TBC1D4: variants seen among roughly 807,000 people sequenced by gnomAD.
The protein encoded by TBC1D4 is TBC (Tre-2, BUB2, CDC16) domain-containing protein.
Under a neutral mutation model 142.5 loss-of-function variants are expected in TBC1D4, and 121 were observed. That is an observed-to-expected ratio of 0.85 (90% CI 0.73 to 0.99). The LOEUF (loss-of-function observed/expected upper bound fraction) is 0.99. Among genes scored for constraint, TBC1D4 ranks in the 50% least tolerant of loss-of-function variants. The pLI is 0.00. For synonymous variants in TBC1D4, 630 were observed against 628.2 expected (o/e 1.00, Z -0.04); for missense variants, 1,475 against 1,606.6 (o/e 0.92, Z 1.40).
At chr13:75,436,913 A>G (rs1439549871) in intron 1 of TBC1D4, among the ~76,000 whole-genome samples, 1 of 152,200 alleles carries the variant, frequency 6.6e-6, no homozygotes, top group African/African-American at 2.4e-5. Flanking sequence ...TCCTGGTAAA[A>G]TGCACTGATA....
intron 1 of TBC1D4, among the ~76,000 whole-genome samples, chr13:75,388,465 A>T (rs903997877): frequency 3.3e-5 from 5 of 152,194 alleles, no homozygotes; most frequent in Non-Finnish European, 5.9e-5. Flanking sequence ...TAAGAAACTG[A>T]ATAAATTCTA....
At chr13:75,309,193 T>C (rs1038161993) in intron 14 of TBC1D4, among the ~76,000 whole-genome samples, 2 of 152,202 alleles carry the variant, frequency 1.3e-5, no homozygotes, top group Non-Finnish European at 2.9e-5. Flanking sequence ...ATACATTTTT[T>C]TGGATTTCTT....
chr13:75,310,213 G>A, intron 13 of TBC1D4, 62 bp from the exon 14 acceptor site: 1 of 1,506,270 alleles, frequency 6.6e-7, no homozygotes, highest in Non-Finnish European at 9.1e-7. Context: ...CCAAGTTTCT[G>A]TAGAATTCAC....
chr13:75,294,255 G>C (rs944226441), intron 18 of TBC1D4, among the ~76,000 whole-genome samples: 6 of 152,184 alleles, frequency 3.9e-5, no homozygotes, highest in African/African-American at 1.4e-4. Flanking sequence ...GAGCAAGGCA[G>C]TTACTCAGTA....
chr13:75,410,930 C>G (rs1479540485), intron 1 of TBC1D4, among the ~76,000 whole-genome samples: 1 of 66,038 alleles, frequency 1.5e-5, no homozygotes, highest in Non-Finnish European at 2.6e-5. Flanking sequence ...AGCGAGACTC[C>G]GTCTCAAAAA....
chr13:75,438,970 G>A (rs530162557), intron 1 of TBC1D4, among the ~76,000 whole-genome samples: 2 of 152,240 alleles, frequency 1.3e-5, no homozygotes, highest in African/African-American at 4.8e-5. Context: ...TTATTTTAGT[G>A]CCAAATATTT....
chr13:75,307,016 G>A (rs1006199890), intron 14 of TBC1D4, among the ~76,000 whole-genome samples: 8 of 152,164 alleles, frequency 5.3e-5, no homozygotes, highest in Non-Finnish European at 1.2e-4. Context: ...TGTACCCCAA[G>A]CTGGAGTGCA....
chr13:75,389,133 G>C (rs941094553), intron 1 of TBC1D4, among the ~76,000 whole-genome samples: 5 of 152,164 alleles, frequency 3.3e-5, no homozygotes, highest in African/African-American at 1.2e-4. Context: ...CAAATTTTTT[G>C]CATGTGATTG....
At chr13:75,357,743 C>T (rs1882164071) in intron 3 of TBC1D4, among the ~76,000 whole-genome samples, 1 of 152,128 alleles carries the variant, frequency 6.6e-6, no homozygotes, top group Admixed American at 6.5e-5. Flanking sequence ...TGAAAACAGC[C>T]ACATTATATG....
intron 1 of TBC1D4, among the ~76,000 whole-genome samples, chr13:75,468,008 T>C (rs1888240481): frequency 6.6e-6 from 1 of 152,196 alleles, no homozygotes; most frequent in South Asian, 2.1e-4. Context: ...TCCTCTCCAT[T>C]CATTCATTTC....
At chr13:75,420,786 A>AT (rs1402994017) in intron 1 of TBC1D4, among the ~76,000 whole-genome samples, 2 of 152,232 alleles carry the variant, frequency 1.3e-5, no homozygotes, top group Non-Finnish European at 2.9e-5. Flanking sequence ...GGACAGGAAG[A>AT]GAACAAGCAG....
chr13:75,299,446 C>A lies in TBC1D4; in HGVS notation c.3040G>T (p.Val1014Leu). The change falls in exon 17 of 21, where the codon GTG becomes TTG. Residue 1014 changes from valine (V) to leucine (L), a missense_variant. Around this residue, in one of 2 missense-constraint regions of TBC1D4, gnomAD observed 248 missense variants for 338.9 expected, o/e 0.73. Coordinates refer to ENST00000377636, the MANE Select transcript of TBC1D4 (RefSeq NM_014832.5). ...EVGYCQGISF[V>L]AGVLLLHMSE... ...ATGTGCAGAAGCAGGACTCCAGCCA[C>A]AAAGCTGATCCCCTGACAGTATCCC... The A allele has an allele frequency of 6.2e-7, 1 of 1,614,160 alleles. No individual in the cohort carries two copies. Among genetic ancestry groups the A allele is most frequent in the Non-Finnish European group, 8.5e-7 (1 of 1,180,034 alleles).
intron 1 of TBC1D4, among the ~76,000 whole-genome samples, chr13:75,480,186 A>G (rs976221319): frequency 2.6e-5 from 4 of 152,238 alleles, no homozygotes; most frequent in Non-Finnish European, 4.4e-5. Context: ...AATTAAAGCC[A>G]TATTTATAGG....
rs1874481509 is a variant in TBC1D4, at chr13:75,284,042, C to T, written c.*2750G>A. On this transcript the variant is annotated 3_prime_UTR_variant, in exon 21 of 21. Transcript: ENST00000377636. ...AGCCTCCTATAAGTAGCAATATATG[C>T]CTCTCCTACTCTCCTGAGTAGCTGA... 6.6e-6 allele frequency among the ~76,000 whole-genome samples: 1 copy of T among 152,034 alleles called. No homozygotes were observed. Among genetic ancestry groups the T allele is most frequent in the African/African-American group, 2.4e-5 (1 of 41,362 alleles).
intron 1 of TBC1D4, among the ~76,000 whole-genome samples, chr13:75,451,232 T>C (rs892736788): frequency 6.6e-6 from 1 of 152,168 alleles, no homozygotes; most frequent in Non-Finnish European, 1.5e-5. Context: ...GAATAGTACC[T>C]ACTTATTAGA....
chr13:75,302,436 A>G, intron 15 of TBC1D4, 35 bp from the exon 16 acceptor site: 1 of 1,613,514 alleles, frequency 6.2e-7, no homozygotes, highest in East Asian at 2.2e-5. Flanking sequence ...AAGGCCTTGA[A>G]CTCTGGAATG....
chr13:75,462,947 A>G (rs1888030651), intron 1 of TBC1D4, among the ~76,000 whole-genome samples: 1 of 152,156 alleles, frequency 6.6e-6, no homozygotes, highest in African/African-American at 2.4e-5. Flanking sequence ...AAGCATGGGT[A>G]ATAATGTCCT....
intron 1 of TBC1D4, among the ~76,000 whole-genome samples, chr13:75,433,602 C>T (rs972306531): frequency 1.3e-5 from 2 of 152,180 alleles, no homozygotes; most frequent in African/African-American, 2.4e-5. Flanking sequence ...CCTTTCCTAA[C>T]GTACTTGATT....
chr13:75,393,750 G>C (rs960677630), intron 1 of TBC1D4, among the ~76,000 whole-genome samples: 1 of 152,012 alleles, frequency 6.6e-6, no homozygotes, highest in African/African-American at 2.4e-5. Context: ...TGACCAACCC[G>C]GAGAAACCCC....
Sources: gnomAD v4.1 joint callset for allele counts (sites outside exome capture counted in the v4.1 genomes callset) on GRCh38, gnomAD v4.1.1 for gene constraint, gnomAD v4.1.1 regional missense constraint, MANE v1.5 for transcripts, NCBI Gene and HGNC (gene_info 2026-07-23, HGNC 2026-07-21) for gene names.